The following MAN1C1 variants were observed in gnomAD, a reference collection of about 807,000 sequenced individuals.
The protein encoded by MAN1C1 is mannosyl-oligosaccharide 1,2-alpha-mannosidase IC.
In MAN1C1, 49 loss-of-function variants were observed where a neutral mutation model predicts 71.5. The observed-to-expected ratio is 0.69, with a 90% CI of 0.54 to 0.87. The LOEUF is 0.87. Ranked by LOEUF, MAN1C1 falls within the 40% of genes least tolerant of loss-of-function variation. MAN1C1 has a pLI of 0.00. For missense variants in MAN1C1, 743 were observed against 835.0 expected (o/e 0.89, Z 1.36); for synonymous variants, 352 against 343.7 (o/e 1.02, Z -0.27).
At position 25,711,335 on chromosome 1, in the gene MAN1C1, G is replaced by A. The variant is rs1295257883; in HGVS notation, c.637+24799G>A. 6.6e-6 allele frequency among the ~76,000 whole-genome samples: 1 copy of A among 152,186 alleles called. No individual in the cohort carries two copies. Among genetic ancestry groups the A allele is most frequent in the Non-Finnish European group, 1.5e-5 (1 of 68,036 alleles). On this transcript the variant is annotated intron_variant, in intron 2 of 11. Coordinates refer to ENST00000374332, the MANE Select transcript of MAN1C1 (RefSeq NM_020379.4). This position sits in a 1 kb window ranked among gnomAD's most constrained non-coding sequence, Gnocchi z 4.3. ...TCATGGCCAAAGTCAGGGCTACAGG[G>A]AGAAGTAGGACACCAGGAACATTTT... is the stretch of plus-strand genomic sequence containing the variant.
chr1:25,742,537 A>G (rs2124328202), intron 2 of MAN1C1, among the ~76,000 whole-genome samples: 1 of 152,278 alleles, frequency 6.6e-6, no homozygotes, highest in Non-Finnish European at 1.5e-5. Flanking sequence ...GGCCTCACTG[A>G]CCCAAGAAGA....
chr1:25,669,247 T>C (rs1027330138), intron 1 of MAN1C1, among the ~76,000 whole-genome samples: 4 of 152,088 alleles, frequency 2.6e-5, no homozygotes, highest in African/African-American at 9.7e-5. Context: ...AAAATTCTGG[T>C]CTCTTGTTAG....
At chr1:25,637,450 G>T (rs1165187858) in intron 1 of MAN1C1, among the ~76,000 whole-genome samples, 1 of 152,124 alleles carries the variant, frequency 6.6e-6, no homozygotes, top group Admixed American at 6.5e-5. Context: ...TTTGAAACAT[G>T]AGACCTGTTT....
chr1:25,701,209 C>T (rs1430890217), intron 2 of MAN1C1, among the ~76,000 whole-genome samples: 1 of 152,242 alleles, frequency 6.6e-6, no homozygotes, highest in Admixed American at 6.5e-5. Context: ...TCCTCCCCAG[C>T]CCAGGGGCCT....
In MAN1C1 at chr1:25,746,690, C is replaced by T; in HGVS notation, c.660C>T (p.Val220=). 6.2e-7 allele frequency: 1 copy of T among 1,613,966 alleles called. No individual in the cohort carries two copies. Among genetic ancestry groups the T allele is most frequent in the Non-Finnish European group, 8.5e-7 (1 of 1,179,886 alleles). ...CAGGAGGCCTCAGCGGGGCAACAGT[C>T]ATTGACTCCCTCGATACCCTCTACC... ...NMFGGLSGAT[V]IDSLDTLYLM... is the part of the protein sequence containing the mutation. Residue 220 remains valine (V), a synonymous_variant, in exon 3 of 12, where the codon GTC becomes GTT. Coordinates refer to ENST00000374332, the MANE Select transcript of MAN1C1 (RefSeq NM_020379.4). The surrounding 1 kb of genome is among the most constrained non-coding windows in gnomAD (Gnocchi z 4.0).
chr1:25,774,970 G>A (rs902676462), intron 8 of MAN1C1, among the ~76,000 whole-genome samples: 1 of 152,156 alleles, frequency 6.6e-6, no homozygotes, highest in Non-Finnish European at 1.5e-5. Context: ...GCATCTGCGT[G>A]TCTCAGTTGT....
intron 1 of MAN1C1, among the ~76,000 whole-genome samples, chr1:25,679,262 A>G (rs1379815537): frequency 6.6e-6 from 1 of 152,158 alleles, no homozygotes; most frequent in Non-Finnish European, 1.5e-5. Context: ...GTAGGAAGAA[A>G]ACAGGCACCT....
Position 25,782,823 on chromosome 1 carries a change from G to C in MAN1C1, c.1766+123G>C, listed in dbSNP as rs977534406. 1.4e-6 allele frequency: 1 copy of C among 697,676 alleles called. No homozygotes were observed. The highest frequency in any genetic ancestry group is 1.8e-5 in the African/African-American group (1 of 55,858). The allele number at this position is 697,676 out of a possible 1,614,324, so 43.2% of individuals were successfully genotyped here. A position where few individuals can be genotyped will look rare whatever the true frequency, so the allele number is the denominator to read the frequency against. On this transcript the variant is annotated intron_variant, in intron 11 of 11. Transcript: ENST00000374332. This position sits in a 1 kb window ranked among gnomAD's most constrained non-coding sequence, Gnocchi z 4.4. ...GACGGGAGCCCAAAAGGGGTGAAGG[G>C]CTTGGGATCCAGAGGGCTGCACCCC...
intron 1 of MAN1C1, among the ~76,000 whole-genome samples, chr1:25,683,382 A>G (rs1359852392): frequency 2.0e-5 from 3 of 152,200 alleles, no homozygotes; most frequent in Non-Finnish European, 4.4e-5. Context: ...GTCCACGTTG[A>G]GTCTTCCAGC....
intron 1 of MAN1C1, among the ~76,000 whole-genome samples, chr1:25,625,131 G>A (rs961820873): frequency 2.1e-4 from 31 of 148,048 alleles, no homozygotes; most frequent in African/African-American, 6.8e-4. Flanking sequence ...TCAGCCTCCC[G>A]AGTAGCTGGG....
At chr1:25,709,174 G>A (rs777267640) in intron 2 of MAN1C1, among the ~76,000 whole-genome samples, 4 of 152,128 alleles carry the variant, frequency 2.6e-5, no homozygotes, top group African/African-American at 7.2e-5. Flanking sequence ...AGTGAAAGGC[G>A]GTATAGACGG....
At chr1:25,685,810 C>G (rs1003583359) in intron 1 of MAN1C1, among the ~76,000 whole-genome samples, 1 of 152,170 alleles carries the variant, frequency 6.6e-6, no homozygotes, top group East Asian at 1.9e-4. Flanking sequence ...AGAGGAACAA[C>G]AAGTAACTGG....
rs1424350166 is a variant in MAN1C1, at chr1:25,782,660, G to A, written c.1726G>A (p.Asp576Asn). The part of the protein sequence containing the change: ...QDVYSSTPNH[D>N]NKQQSFFLAE... Reference sequence around the variant, plus strand: ...CGTGTACAGTAGCACCCCCAACCACGACAACAAGCAGCAGAGCTTCTTTCT... The same window carrying A: ...CGTGTACAGTAGCACCCCCAACCACAACAACAAGCAGCAGAGCTTCTTTCT... The change falls in exon 11 of 12, where the codon GAC becomes AAC. Residue 576 changes from aspartate (D) to asparagine (N), a missense_variant. Transcript: ENST00000374332. The surrounding 1 kb of genome is among the most constrained non-coding windows in gnomAD (Gnocchi z 4.4). 8.1e-6 allele frequency: 13 copies of A among 1,613,950 alleles called. No individual in the cohort carries two copies. Among genetic ancestry groups the A allele is most frequent in the African/African-American group, 8.0e-5 (6 of 74,886 alleles).
intron 2 of MAN1C1, among the ~76,000 whole-genome samples, chr1:25,736,382 C>G (rs1486982117): frequency 6.6e-6 from 1 of 152,162 alleles, no homozygotes; most frequent in Non-Finnish European, 1.5e-5. Flanking sequence ...GCATTGAGTA[C>G]CTACTGGTAT....
intron 6 of MAN1C1, chr1:25,760,656 G>A (rs1034536332): frequency 3.3e-5 from 5 of 152,146 alleles, no homozygotes; most frequent in Admixed American, 2.0e-4. Context: ...GAAATCTGAC[G>A]TGGCAAAGCC....
At chr1:25,679,693 C>A (rs930767764) in intron 1 of MAN1C1, among the ~76,000 whole-genome samples, 1 of 151,784 alleles carries the variant, frequency 6.6e-6, no homozygotes, top group African/African-American at 2.4e-5. Flanking sequence ...CTCTGTTTTT[C>A]ACTCATTTGC....
intron 5 of MAN1C1, among the ~76,000 whole-genome samples, chr1:25,754,951 A>T (rs1400744947): frequency 1.3e-5 from 2 of 152,322 alleles, no homozygotes; most frequent in Non-Finnish European, 2.9e-5. Flanking sequence ...GTTGCTAAAA[A>T]TGCCTGGCTC....
intron 2 of MAN1C1, among the ~76,000 whole-genome samples, chr1:25,733,082 A>T (rs1209642509): frequency 6.6e-6 from 1 of 152,214 alleles, no homozygotes; most frequent in Non-Finnish European, 1.5e-5. Flanking sequence ...CACCTGGCTC[A>T]CATGCCCTGT....
At chr1:25,670,728 C>T (rs79579665) in intron 1 of MAN1C1, among the ~76,000 whole-genome samples, 1 of 152,232 alleles carries the variant, frequency 6.6e-6, no homozygotes, top group Admixed American at 6.5e-5. Context: ...GCTTCAAACA[C>T]TGGCTCTGCC....
Sources: allele counts gnomAD v4.1 joint callset (sites outside exome capture counted in the v4.1 genomes callset), GRCh38; gene constraint gnomAD v4.1.1; non-coding constraint Gnocchi (gnomAD v3.1); transcripts MANE v1.5; gene names NCBI Gene and HGNC (gene_info 2026-07-23, HGNC 2026-07-21).